Variants in GRID2IP observed in about 807,000 individuals in gnomAD.
GRID2IP encodes the protein Grid2 interacting protein, also known as delphilin.
A neutral mutation model predicts 114.3 loss-of-function variants in GRID2IP; 78 were observed. The ratio of observed to expected loss-of-function variants is 0.68; its 90% confidence interval spans 0.57 to 0.82. The LOEUF (loss-of-function observed/expected upper bound fraction) is 0.82, where lower values mean the gene tolerates loss of function less well. Ranked by LOEUF, GRID2IP falls within the 40% of genes least tolerant of loss-of-function variation. The pLI is 0.00. For synonymous variants in GRID2IP, 809 were observed against 724.0 expected, an observed-to-expected ratio of 1.12 and a Z score of -1.89; for missense variants, 1,727 against 1,678.5, an observed-to-expected ratio of 1.03 and a Z score of -0.51.
chr7:6,536,984 C>T lies in GRID2IP; in HGVS notation c.584+2734G>A, dbSNP rs574189598. 1.2e-3 allele frequency: 203 copies of T among 173,422 alleles called. No homozygotes were observed. The highest frequency in any genetic ancestry group is 5.8e-3 in the African/African-American group (193 of 33,444). 10.7% of individuals were successfully genotyped at this position (173,422 alleles called of 1,614,324 possible). On this transcript the variant is annotated intron_variant, in intron 2 of 21. Coordinates refer to ENST00000457091, the MANE Select transcript of GRID2IP (RefSeq NM_001145118.2). The surrounding 1 kb of genome is among the most constrained non-coding windows in gnomAD (Gnocchi z 5.3). ...GGCCAGGCCCAGAGGGAGGGGCAGG[C>T]TGCGGGGTGAATGGCAGCAAGGGGA...
At chr7:6,513,240 T>G (rs565476448) in intron 8 of GRID2IP, among the ~76,000 whole-genome samples, 2 of 152,062 alleles carry the variant, frequency 1.3e-5, no homozygotes, top group Admixed American at 1.3e-4. Flanking sequence ...CTTTTTTCTT[T>G]TTTTCTTTCC....
rs1468241041 is a variant in GRID2IP at position 6,539,713 on chromosome 7, A to G, written c.584+5T>C. ...CCTGTCTATCCTGCCCCCTGCCCGCAGTACCTGAGGTTGTCCAGGAGTGGC... is the reference window on the plus strand; with the variant it reads ...CCTGTCTATCCTGCCCCCTGCCCGCGGTACCTGAGGTTGTCCAGGAGTGGC... On this transcript the variant is annotated splice_donor_5th_base_variant and intron_variant, in intron 2 of 21. Transcript: ENST00000457091. The G allele has an allele frequency of 3.2e-6, 5 of 1,544,046 alleles. No homozygotes were observed. In the East Asian group the frequency reaches 9.9e-5, roughly 30 times the overall value.
At chr7:6,501,926 T>C (rs1015674098) in intron 19 of GRID2IP, 27 bp from the exon 20 acceptor site, 23 of 1,550,442 alleles carry the variant, frequency 1.5e-5, no homozygotes, top group Non-Finnish European at 1.9e-5. Context: ...AGGGGCTGCA[T>C]GGGGCCACTC....
chr7:6,537,889 T>C (rs911751452), intron 2 of GRID2IP, among the ~76,000 whole-genome samples: 3 of 151,824 alleles, frequency 2.0e-5, no homozygotes, highest in Admixed American at 2.0e-4. Context: ...GAGCAGAAAG[T>C]GCACTGCTGA....
In GRID2IP at chr7:6,520,915, G is replaced by A. The variant is rs1779399141; in HGVS notation, c.1085-154C>T. Among the ~76,000 whole-genome samples the A allele has an allele frequency of 2.0e-5, 3 of 152,194 alleles. No homozygotes were observed. The South Asian group carries it at 6.2e-4, about 31-fold the overall frequency. Reference sequence around the variant, plus strand: ...GGCATGCCTGTGGCCCGACACCGGGGCCAAGGATAGAGGGAGTCAGCCCTG... The same window carrying A: ...GGCATGCCTGTGGCCCGACACCGGGACCAAGGATAGAGGGAGTCAGCCCTG... On this transcript the variant is annotated intron_variant, in intron 6 of 21. Coordinates refer to ENST00000457091, the MANE Select transcript of GRID2IP (RefSeq NM_001145118.2). The surrounding 1 kb of genome is among the most constrained non-coding windows in gnomAD (Gnocchi z 4.6).
Position 6,508,487 on chromosome 7 carries a change from C to T in GRID2IP, c.2128-86G>A. 1 of 1,533,974 alleles carries T rather than the reference C, an allele frequency of 6.5e-7. No individual in the cohort carries two copies. The highest frequency in any genetic ancestry group is 8.8e-7 in the Non-Finnish European group (1 of 1,139,898). ...TGCAAAGTGAAGGATCATGGGATAG[C>T]CTGGGACAAGGACAGGGCCATCTCA... On this transcript the variant is annotated intron_variant, in intron 12 of 21. Coordinates refer to ENST00000457091, the MANE Select transcript of GRID2IP (RefSeq NM_001145118.2). This position sits in a 1 kb window ranked among gnomAD's most constrained non-coding sequence, Gnocchi z 5.6.
rs549967048 is a variant in GRID2IP, at chr7:6,506,189, C to A, written c.2545-282G>T. Among the ~76,000 whole-genome samples, 45 of 152,326 alleles carry A rather than the reference C, an allele frequency of 3.0e-4. No individual in the cohort carries two copies. Among genetic ancestry groups the A allele is most frequent in the Admixed American group, 5.2e-4 (8 of 15,304 alleles). On this transcript the variant is annotated intron_variant, in intron 13 of 21. Transcript: ENST00000457091. This position sits in a 1 kb window ranked among gnomAD's most constrained non-coding sequence, Gnocchi z 5.2. The stretch of plus-strand genomic sequence containing the variant: ...GGACTGCAGCGGGGGCATGAAGGAG[C>A]TGTGAAGAGGCTAGAGCCAAGTAAG...
chr7:6,524,311 G>A (rs1779465664), intron 4 of GRID2IP, among the ~76,000 whole-genome samples: 1 of 152,220 alleles, frequency 6.6e-6, no homozygotes, highest in African/African-American at 2.4e-5. Context: ...AGAATGCATT[G>A]GCATGGCCAC....
At chr7:6,504,428 G>C (rs1022618641) in intron 15 of GRID2IP, among the ~76,000 whole-genome samples, 4 of 151,638 alleles carry the variant, frequency 2.6e-5, no homozygotes, top group Non-Finnish European at 4.4e-5. Context: ...CTGAAATAGA[G>C]ACGGTCTTTC....
Position 6,526,150 on chromosome 7 carries a change from G to A in GRID2IP, c.919+74C>T. The A allele has an allele frequency of 8.3e-7, 1 of 1,204,124 alleles. No individual in the cohort carries two copies. Among genetic ancestry groups the A allele is most frequent in the Admixed American group, 2.0e-5 (1 of 50,474 alleles). The allele number at this position is 1,204,124 out of a possible 1,614,324, so 74.6% of individuals were successfully genotyped here. On this transcript the variant is annotated intron_variant, in intron 4 of 21. Coordinates refer to ENST00000457091, the MANE Select transcript of GRID2IP (RefSeq NM_001145118.2). This position sits in a 1 kb window ranked among gnomAD's most constrained non-coding sequence, Gnocchi z 7.6. ...GAGCCTACATGGGGTACAATGACCC[G>A]GCAGAGCCACCACGGGGCCCTTCAC...
chr7:6,498,572 C>CTTTTTT (rs34146767), intron 20 of GRID2IP, among the ~76,000 whole-genome samples: 32 of 68,132 alleles, frequency 4.7e-4, no homozygotes, highest in East Asian at 9.9e-4. Context: ...CTAGGCCTTA[C>CTTTTTT]TTTTTTTTTT....
rs538133069 is a variant in GRID2IP at position 6,503,589 on chromosome 7, G to A, written c.2809C>T (p.Leu937=). 1.4e-5 allele frequency: 21 copies of A among 1,529,512 alleles called. No homozygotes were observed. In the East Asian group the frequency reaches 4.5e-4, roughly 33 times the overall value. The allele number at this position is 1,529,512 out of a possible 1,614,324, so 94.7% of individuals were successfully genotyped here. A position where few individuals can be genotyped will look rare whatever the true frequency, so the allele number is the denominator to read the frequency against. ...TCGGCGTCGGGCGCGAAGAGCAGCAGCTGCGCGAGATGTGCGGGCTCCAGG... is the reference window on the plus strand; with the variant it reads ...TCGGCGTCGGGCGCGAAGAGCAGCAACTGCGCGAGATGTGCGGGCTCCAGG... ...RRLEPAHLAQ[L]LLFAPDADEE... is the part of the protein sequence containing the mutation. Residue 937 remains leucine (L), a synonymous_variant, in exon 16 of 22, where the codon CTG becomes TTG. Transcript: ENST00000457091.
rs1011743799 is a variant in GRID2IP at position 6,528,351 on chromosome 7, C to G, written c.585-1582G>C. On this transcript the variant is annotated intron_variant, in intron 2 of 21. Coordinates refer to ENST00000457091, the MANE Select transcript of GRID2IP (RefSeq NM_001145118.2). This position sits in a 1 kb window ranked among gnomAD's most constrained non-coding sequence, Gnocchi z 6.0. ...GCAGCAGTTAACATCCTGATGGACT[C>G]TCCGGTCTGTGGCAGAGGATTCTGA... Among the ~76,000 whole-genome samples, 29 of 152,214 alleles carry G rather than the reference C, an allele frequency of 1.9e-4. No individual in the cohort carries two copies. The highest frequency in any genetic ancestry group is 6.5e-4 in the African/African-American group (27 of 41,458).
At chr7:6,514,633 T>C in intron 7 of GRID2IP, 104 bp from the exon 8 acceptor site, 1 of 1,018,670 alleles carries the variant, frequency 9.8e-7, no homozygotes, top group Non-Finnish European at 1.3e-6. Flanking sequence ...GCGTCTGCCC[T>C]CATGCCCTAT....
At chr7:6,544,288 GT>G (rs34564068) in intron 1 of GRID2IP, among the ~76,000 whole-genome samples, 1 of 150,612 alleles carries the variant, frequency 6.6e-6, no homozygotes. Context: ...TTTTCTTTCT[GT>G]TTTTTTTGAG....
At chr7:6,545,342 CT>C (rs915533081) in intron 1 of GRID2IP, among the ~76,000 whole-genome samples, 2 of 152,112 alleles carry the variant, frequency 1.3e-5, no homozygotes, top group Non-Finnish European at 2.9e-5. Flanking sequence ...CTCCTCCCTT[CT>C]GTAGTCTGGA....
At chr7:6,511,396 G>A (rs1480734485) in intron 8 of GRID2IP, among the ~76,000 whole-genome samples, 2 of 151,794 alleles carry the variant, frequency 1.3e-5, no homozygotes, top group African/African-American at 2.4e-5. Context: ...TTTTGAGACT[G>A]AGTTTTGCTC....
chr7:6,521,526 G>GC lies in GRID2IP; in HGVS notation c.990-4dup. 6.5e-7 allele frequency: 1 copy of GC among 1,540,730 alleles called. No homozygotes were observed. Among genetic ancestry groups the GC allele is most frequent in the Non-Finnish European group, 8.8e-7 (1 of 1,141,088 alleles). ...CCACCTTGTCGTGGGAGCAGTTCCT[G>GC]CCAAGCAGAGATGGCCCAGGAGGGC... On this transcript the variant is annotated splice_region_variant and splice_polypyrimidine_tract_variant and intron_variant, in intron 5 of 21. Transcript: ENST00000457091. This position sits in a 1 kb window ranked among gnomAD's most constrained non-coding sequence, Gnocchi z 4.1.
At position 6,521,791 on chromosome 7, in the gene GRID2IP, G is replaced by C. The variant is rs574706387; in HGVS notation, c.989+97C>G. On this transcript the variant is annotated intron_variant, in intron 5 of 21. Coordinates refer to ENST00000457091, the MANE Select transcript of GRID2IP (RefSeq NM_001145118.2). This position sits in a 1 kb window ranked among gnomAD's most constrained non-coding sequence, Gnocchi z 4.1. ...CCCTGGGGACCAAATGGTGAGAGGA[G>C]ATTGTGATCACAGCCTGGGTGCCCC... The C allele has an allele frequency of 6.6e-6, 6 of 913,854 alleles. No homozygotes were observed. The East Asian group carries it at 1.3e-4, about 20-fold the overall frequency. 56.6% of individuals were successfully genotyped at this position (913,854 alleles called of 1,614,324 possible). A position where few individuals can be genotyped will look rare whatever the true frequency, so the allele number is the denominator to read the frequency against.
Sources: gnomAD v4.1 joint callset for allele counts (sites outside exome capture counted in the v4.1 genomes callset) on GRCh38, gnomAD v4.1.1 for gene constraint, Gnocchi (gnomAD v3.1) non-coding constraint, MANE v1.5 for transcripts, NCBI Gene and HGNC (gene_info 2026-07-23, HGNC 2026-07-21) for gene names.